Variants in MPPED1 observed in about 807,000 individuals in gnomAD.
MPPED1 encodes metallophosphoesterase domain-containing protein 1.
In MPPED1, 16 loss-of-function variants were observed where a neutral mutation model predicts 36.2. The ratio of observed to expected loss-of-function variants is 0.44; its 90% CI spans 0.30 to 0.67. The LOEUF is 0.67. Ranked by LOEUF, MPPED1 falls within the 30% of genes least tolerant of loss-of-function variation. The pLI is 0.10. For synonymous variants in MPPED1, 199 were observed against 191.3 expected, an observed-to-expected ratio of 1.04 and a Z score of -0.33; for missense variants, 307 against 453.4, an observed-to-expected ratio of 0.68 and a Z score of 2.93.
chr22:43,465,260 C>T (rs775212160), intron 3 of MPPED1, among the ~76,000 whole-genome samples: 3 of 152,192 alleles, frequency 2.0e-5, no homozygotes, highest in Non-Finnish European at 4.4e-5. Context: ...TGATGTCTGC[C>T]GAGTGAACGG....
chr22:43,432,020 G>A (rs1929704653), intron 2 of MPPED1, among the ~76,000 whole-genome samples: 1 of 152,202 alleles, frequency 6.6e-6, no homozygotes, highest in African/African-American at 2.4e-5. Context: ...CTGGCTGGTG[G>A]TGGGTGGGAG....
intron 3 of MPPED1, among the ~76,000 whole-genome samples, chr22:43,436,546 C>T (rs1929967897): frequency 6.6e-6 from 1 of 152,252 alleles, no homozygotes; most frequent in Non-Finnish European, 1.5e-5. Context: ...GTTTGGGCTG[C>T]AGGAAGTGCA....
At position 43,507,309 on chromosome 22, in the gene MPPED1, G is replaced by A. The variant is rs957586652; in HGVS notation, c.*1693G>A. Reference sequence around the variant, plus strand: ...TCAAAACTGGTGTGAGCTCTGAGGAGTCCTGAACCCTGGGTGCAGCATCCT... The same window carrying A: ...TCAAAACTGGTGTGAGCTCTGAGGAATCCTGAACCCTGGGTGCAGCATCCT... On this transcript the variant is annotated 3_prime_UTR_variant, in exon 7 of 7. Coordinates refer to ENST00000443721, the MANE Select transcript of MPPED1 (RefSeq NM_001044370.2). 3.9e-5 allele frequency: 6 copies of A among 152,250 alleles called. No homozygotes were observed. The highest frequency in any genetic ancestry group is 1.4e-4 in the African/African-American group (6 of 41,436). 9.4% of individuals were successfully genotyped at this position (152,250 alleles called of 1,614,324 possible). A position where few individuals can be genotyped will look rare whatever the true frequency, so the allele number is the denominator to read the frequency against.
At chr22:43,468,165 C>G (rs949640426) in intron 3 of MPPED1, among the ~76,000 whole-genome samples, 1 of 152,188 alleles carries the variant, frequency 6.6e-6, no homozygotes, top group Non-Finnish European at 1.5e-5. Context: ...AATGTCTTTG[C>G]AACAAGAAAT....
At chr22:43,490,967 T>C (rs1052956360) in intron 4 of MPPED1, among the ~76,000 whole-genome samples, 1 of 149,444 alleles carries the variant, frequency 6.7e-6, no homozygotes, top group African/African-American at 2.5e-5. Flanking sequence ...TCTTCTCCAC[T>C]AGGAACCGCG....
At chr22:43,494,001 GC>G in intron 4 of MPPED1, among the ~76,000 whole-genome samples, 1 of 152,196 alleles carries the variant, frequency 6.6e-6, no homozygotes, top group African/African-American at 2.4e-5. Context: ...CTTTTGGGGG[GC>G]TCTGAGGGAA....
At chr22:43,499,677 A>G (rs1212452155) in intron 5 of MPPED1, among the ~76,000 whole-genome samples, 49 of 24,930 alleles carry the variant, frequency 2.0e-3, no homozygotes, top group Non-Finnish European at 3.0e-3. Context: ...GATGGGGGTG[A>G]TGGTGGTGAT....
intron 3 of MPPED1, 149 bp downstream of exon 3, chr22:43,435,364 C>G: frequency 1.3e-6 from 1 of 781,244 alleles, no homozygotes; most frequent in Middle Eastern, 3.5e-4. Flanking sequence ...CCTGACCTCT[C>G]AGAGCAGGTG....
chr22:43,442,473 C>A (rs1930183764), intron 3 of MPPED1, among the ~76,000 whole-genome samples: 1 of 152,152 alleles, frequency 6.6e-6, no homozygotes, highest in Non-Finnish European at 1.5e-5. Context: ...CGTAATAGAT[C>A]AGGACCTAAA....
chr22:43,425,134 A>T lies in MPPED1; in HGVS notation c.149A>T (p.Tyr50Phe). 1 of 1,613,798 alleles carries T rather than the reference A, an allele frequency of 6.2e-7. No individual in the cohort carries two copies. The highest frequency in any genetic ancestry group is 8.5e-7 in the Non-Finnish European group (1 of 1,179,854). ...CGGCTCATCATCGAGGTGGACGAGTACAGCTCCAACCCCACCCAGGCCTTC... is the reference window on the plus strand; with the variant it reads ...CGGCTCATCATCGAGGTGGACGAGTTCAGCTCCAACCCCACCCAGGCCTTC... The part of the protein sequence containing the change: ...HSRLIIEVDE[Y>F]SSNPTQAFTF... Residue 50 changes from tyrosine to phenylalanine, a missense_variant, in exon 2 of 7, where the codon TAC becomes TTC. Tyr to Phe is a conservative substitution (Grantham distance 22). Around this residue, in one of 3 missense-constraint regions of MPPED1, gnomAD observed 169 missense variants for 212.3 expected, o/e 0.80. Transcript: ENST00000443721.
chr22:43,466,272 G>C (rs541473882), intron 3 of MPPED1, among the ~76,000 whole-genome samples: 1 of 152,154 alleles, frequency 6.6e-6, no homozygotes, highest in African/African-American at 2.4e-5. Flanking sequence ...TGAGGCCAGG[G>C]GGTCTGCAGC....
At chr22:43,457,806 C>T (rs1930807610) in intron 3 of MPPED1, among the ~76,000 whole-genome samples, 1 of 152,034 alleles carries the variant, frequency 6.6e-6, no homozygotes, top group African/African-American at 2.4e-5. Context: ...CTATGCCCTC[C>T]CCCTCCTTTA....
At chr22:43,486,644 C>T (rs1931920079) in intron 4 of MPPED1, among the ~76,000 whole-genome samples, 1 of 152,070 alleles carries the variant, frequency 6.6e-6, no homozygotes, top group Admixed American at 6.5e-5. Context: ...GGCCCTTCTT[C>T]CTCCACAGGA....
chr22:43,493,104 G>A (rs1282812068), intron 4 of MPPED1, among the ~76,000 whole-genome samples: 5 of 152,174 alleles, frequency 3.3e-5, no homozygotes, highest in Non-Finnish European at 5.9e-5. Context: ...TCTGTCACAA[G>A]CCCTGTGTCC....
chr22:43,456,058 T>C (rs1035674978), intron 3 of MPPED1, among the ~76,000 whole-genome samples: 2 of 152,246 alleles, frequency 1.3e-5, no homozygotes, highest in Non-Finnish European at 2.9e-5. Context: ...CTTCCTTGAT[T>C]TGTGGCCACA....
intron 1 of MPPED1, among the ~76,000 whole-genome samples, chr22:43,420,499 G>A (rs1236673101): frequency 6.6e-6 from 1 of 151,648 alleles, no homozygotes; most frequent in East Asian, 1.9e-4. Flanking sequence ...CCACCTCCCC[G>A]GTTCATGTGA....
chr22:43,475,978 G>A (rs889565770), intron 4 of MPPED1, among the ~76,000 whole-genome samples: 18 of 100,504 alleles, frequency 1.8e-4, no homozygotes, highest in African/African-American at 6.1e-4. Flanking sequence ...TTACGGTGGT[G>A]GTGGTAGTGA....
intron 1 of MPPED1, among the ~76,000 whole-genome samples, chr22:43,412,690 C>CATCCATCCATCCATCA: frequency 6.6e-6 from 1 of 152,066 alleles, no homozygotes; most frequent in Non-Finnish European, 1.5e-5. Context: ...TCCATCCATC[C>CATCCATCCATCCATCA]ATCCATCCAT....
chr22:43,413,974 T>A (rs1350263372), intron 1 of MPPED1, among the ~76,000 whole-genome samples: 1 of 152,194 alleles, frequency 6.6e-6, no homozygotes, highest in Admixed American at 6.5e-5. Context: ...GTCACCTACA[T>A]GGCCGAGGAG....
Sources: allele counts gnomAD v4.1 joint callset (sites outside exome capture counted in the v4.1 genomes callset), GRCh38; gene constraint gnomAD v4.1.1; regional missense constraint gnomAD v4.1.1; transcripts MANE v1.5; gene names NCBI Gene and HGNC (gene_info 2026-07-23, HGNC 2026-07-21).